Variants in MRPS9 observed in about 807,000 individuals in gnomAD.
The protein encoded by MRPS9 is small ribosomal subunit protein uS9m.
Under a neutral mutation model 59.9 loss-of-function variants are expected in MRPS9, and 45 were observed. That is an observed-to-expected ratio of 0.75 (90% CI 0.59 to 0.96). The LOEUF is 0.96. MRPS9 is among the 40% of genes least tolerant of loss of function. The pLI is 0.00. For missense variants in MRPS9, 473 were observed against 481.1 expected, an observed-to-expected ratio of 0.98 and a Z score of 0.16; for synonymous variants, 171 against 166.8, an observed-to-expected ratio of 1.03 and a Z score of -0.19.
At chr2:105,077,908 A>G (rs1465377831) in intron 4 of MRPS9, among the ~76,000 whole-genome samples, 2 of 152,226 alleles carry the variant, frequency 1.3e-5, no homozygotes, top group Admixed American at 1.3e-4. Flanking sequence ...ATTGAATATA[A>G]CTTTACTTAA....
At chr2:105,067,729 C>T (rs1414236114) in intron 2 of MRPS9, among the ~76,000 whole-genome samples, 1 of 146,342 alleles carries the variant, frequency 6.8e-6, no homozygotes, top group Non-Finnish European at 1.5e-5. Context: ...TCTTCTTGCC[C>T]CTTCTCCTGA....
At chr2:105,040,573 C>T (rs1441837634) in intron 1 of MRPS9, among the ~76,000 whole-genome samples, 1 of 152,186 alleles carries the variant, frequency 6.6e-6, no homozygotes, top group Non-Finnish European at 1.5e-5. Context: ...TAAGCTATTC[C>T]TAGGTTCTCA....
At position 105,080,063 on chromosome 2, in the gene MRPS9, GT is replaced by G; in HGVS notation, c.489+2del. ...ACAGTCATACTATTCATTAATGCATGTAAGTATATTGCATTTATGATAAATA... is the reference window on the plus strand; with the variant it reads ...ACAGTCATACTATTCATTAATGCATGAAGTATATTGCATTTATGATAAATA... On this transcript the variant is annotated splice_donor_variant, in intron 5 of 10. Coordinates refer to ENST00000258455, the MANE Select transcript of MRPS9 (RefSeq NM_182640.3). LOFTEE classifies it high-confidence loss of function. 2 of 1,578,984 alleles carry G rather than the reference GT, an allele frequency of 1.3e-6. No homozygotes were observed. Among genetic ancestry groups the G allele is most frequent in the East Asian group, 4.5e-5 (2 of 44,348 alleles).
chr2:105,045,648 A>ATTTATTTTCTTTTCTTTCCATCTATATT (rs1325176454), intron 1 of MRPS9, among the ~76,000 whole-genome samples: 1 of 152,144 alleles, frequency 6.6e-6, no homozygotes, highest in African/African-American at 2.4e-5. Flanking sequence ...AAACTTTGTA[A>ATTTATTTTCTTTTCTTTCCATCTATATT]TGCTGAACGG....
intron 2 of MRPS9, among the ~76,000 whole-genome samples, chr2:105,062,378 C>T (rs760739704): frequency 2.6e-5 from 4 of 152,306 alleles, no homozygotes; most frequent in Non-Finnish European, 5.9e-5. Flanking sequence ...AGATGGTTGT[C>T]TTGATACTGA....
chr2:105,074,396 A>G (rs1680169998), intron 4 of MRPS9, among the ~76,000 whole-genome samples: 1 of 152,246 alleles, frequency 6.6e-6, no homozygotes, highest in African/African-American at 2.4e-5. Context: ...AGAGGACAAT[A>G]TTAAGAATTG....
intron 5 of MRPS9, among the ~76,000 whole-genome samples, chr2:105,082,323 G>A (rs1476256158): frequency 6.6e-6 from 1 of 152,116 alleles, no homozygotes; most frequent in East Asian, 1.9e-4. Context: ...GTAATTGTAC[G>A]AGGCCCAGAT....
intron 1 of MRPS9, among the ~76,000 whole-genome samples, chr2:105,045,788 A>T (rs536799263): frequency 6.6e-6 from 1 of 152,160 alleles, no homozygotes; most frequent in East Asian, 1.9e-4. Flanking sequence ...ATGGATATAG[A>T]TTCCTGTCTG....
chr2:105,071,256 T>C (rs1680105312), intron 2 of MRPS9, 57 bp from the exon 3 acceptor site: 1 of 1,403,954 alleles, frequency 7.1e-7, no homozygotes, highest in Non-Finnish European at 1.0e-6. Context: ...TCTATAACTA[T>C]TAGTTCTAAC....
At position 105,080,014 on chromosome 2, in the gene MRPS9, T is replaced by C; in HGVS notation, c.441T>C (p.Phe147=). The C allele has an allele frequency of 6.2e-7, 1 of 1,612,034 alleles. No homozygotes were observed. The highest frequency in any genetic ancestry group is 1.3e-5 in the African/African-American group (1 of 74,950). Reference sequence around the variant, plus strand: ...AGTGGGGAGAAGATGGCCGTCCATTTCACTATCTCTTCTATACTGGCAAAC... The same window carrying C: ...AGTGGGGAGAAGATGGCCGTCCATTCCACTATCTCTTCTATACTGGCAAAC... The part of the protein sequence containing the change: ...AIQWGEDGRP[F]HYLFYTGKQS... The change falls in exon 5 of 11, where the codon TTT becomes TTC. Residue 147 remains phenylalanine (F), a synonymous_variant. Transcript: ENST00000258455.
intron 1 of MRPS9, among the ~76,000 whole-genome samples, chr2:105,043,601 T>C (rs1573413866): frequency 6.6e-6 from 1 of 152,272 alleles, no homozygotes; most frequent in Non-Finnish European, 1.5e-5. Flanking sequence ...CCTTTCTTTT[T>C]TCTTTCCTTT....
chr2:105,075,172 A>T (rs1354733927), intron 4 of MRPS9, among the ~76,000 whole-genome samples: 1 of 152,128 alleles, frequency 6.6e-6, no homozygotes, highest in Non-Finnish European at 1.5e-5. Context: ...CGCACTGTTG[A>T]TCTGACAGGA....
At chr2:105,074,118 A>G (rs971770299) in intron 4 of MRPS9, among the ~76,000 whole-genome samples, 1 of 152,322 alleles carries the variant, frequency 6.6e-6, no homozygotes, top group East Asian at 1.9e-4. Context: ...AGACATGACA[A>G]TGACAACAGT....
intron 2 of MRPS9, among the ~76,000 whole-genome samples, chr2:105,056,202 T>G: frequency 6.6e-6 from 1 of 151,988 alleles, no homozygotes; most frequent in African/African-American, 2.4e-5. Context: ...TTTTTTTTTT[T>G]TTTTTTAACA....
At chr2:105,057,023 T>A (rs1052329980) in intron 2 of MRPS9, among the ~76,000 whole-genome samples, 2 of 152,156 alleles carry the variant, frequency 1.3e-5, no homozygotes, top group African/African-American at 4.8e-5. Context: ...AGAAAAATAT[T>A]ATCTTATTGG....
At chr2:105,099,592 A>G (rs2104474392) in intron 10 of MRPS9, 78 bp from the exon 11 acceptor site, 1 of 1,403,820 alleles carries the variant, frequency 7.1e-7, no homozygotes, top group South Asian at 1.3e-5. Flanking sequence ...AACAGTACCT[A>G]TAAATTTATG....
At chr2:105,082,673 C>T (rs1221541504) in intron 5 of MRPS9, among the ~76,000 whole-genome samples, 1 of 152,034 alleles carries the variant, frequency 6.6e-6, no homozygotes, top group Non-Finnish European at 1.5e-5. Context: ...GTTTATTGTT[C>T]CTGCCCAGAA....
intron 5 of MRPS9, among the ~76,000 whole-genome samples, chr2:105,080,999 G>A (rs1680322546): frequency 1.3e-5 from 2 of 152,174 alleles, no homozygotes; most frequent in Non-Finnish European, 2.9e-5. Flanking sequence ...AATGATAAAT[G>A]TAGAGTGTGT....
chr2:105,090,027 C>A, intron 7 of MRPS9, 32 bp downstream of exon 7: 1 of 1,282,334 alleles, frequency 7.8e-7, no homozygotes. Flanking sequence ...TTTAAGGGGA[C>A]CTATGCAATA....
Sources: gnomAD v4.1 joint callset for allele counts (sites outside exome capture counted in the v4.1 genomes callset) on GRCh38, gnomAD v4.1.1 for gene constraint, MANE v1.5 for transcripts, NCBI Gene and HGNC (gene_info 2026-07-23, HGNC 2026-07-21) for gene names.